ARHGAP10: variants seen among roughly 807,000 people sequenced by gnomAD.
ARHGAP10 encodes rho GTPase-activating protein 10.
ARHGAP10 carries 87 observed loss-of-function variants against 108.6 expected under a neutral mutation model. That is an observed-to-expected ratio of 0.80 (90% CI 0.67 to 0.96). The LOEUF (loss-of-function observed/expected upper bound fraction) is 0.96. Among genes scored for constraint, ARHGAP10 ranks in the 40% least tolerant of loss-of-function variants. The probability of loss-of-function intolerance (pLI) is 0.00; values close to 1 mark genes in which losing one functional copy is unlikely to be tolerated. For synonymous variants in ARHGAP10, 347 were observed against 341.1 expected (o/e 1.02, Z -0.19); for missense variants, 939 against 954.5 (o/e 0.98, Z 0.21).
chr4:147,820,591 T>C (rs1308362659), intron 1 of ARHGAP10, among the ~76,000 whole-genome samples: 3 of 135,352 alleles, frequency 2.2e-5, no homozygotes, highest in Non-Finnish European at 4.8e-5. Flanking sequence ...TTTTTTTTTT[T>C]TTTTTTTTTT....
chr4:147,961,859 C>A (rs529248484), intron 16 of ARHGAP10, among the ~76,000 whole-genome samples: 8 of 152,238 alleles, frequency 5.3e-5, no homozygotes, highest in African/African-American at 1.7e-4. Flanking sequence ...CTGATGACAT[C>A]GTACCTCCCT....
intron 1 of ARHGAP10, among the ~76,000 whole-genome samples, chr4:147,739,038 T>C (rs1360747168): frequency 6.7e-6 from 1 of 148,650 alleles, no homozygotes; most frequent in East Asian, 2.0e-4. Context: ...CAAAAAAAAA[T>C]TAGCCGGGTC....
chr4:147,927,873 G>A (rs553887080), intron 13 of ARHGAP10, among the ~76,000 whole-genome samples: 4 of 152,272 alleles, frequency 2.6e-5, no homozygotes, highest in East Asian at 1.9e-4. Flanking sequence ...TACTGGGATC[G>A]GGAGACCTCT....
intron 3 of ARHGAP10, among the ~76,000 whole-genome samples, chr4:147,838,044 T>C (rs1733247579): frequency 6.6e-6 from 1 of 152,178 alleles, no homozygotes; most frequent in African/African-American, 2.4e-5. Context: ...TAAAATCAAA[T>C]AATAGGCAAA....
At chr4:147,862,678 G>T (rs967372726) in intron 5 of ARHGAP10, 3 of 152,234 alleles carry the variant, frequency 2.0e-5, no homozygotes, top group Non-Finnish European at 4.4e-5. Flanking sequence ...TGGTGATAGA[G>T]GTTGACTGGT....
intron 1 of ARHGAP10, among the ~76,000 whole-genome samples, chr4:147,748,841 C>T (rs930269124): frequency 1.3e-5 from 2 of 151,928 alleles, no homozygotes; most frequent in Admixed American, 1.3e-4. Context: ...CACCTGTAGT[C>T]CTAGCTACTT....
At chr4:147,845,364 C>T (rs1031297883) in intron 3 of ARHGAP10, among the ~76,000 whole-genome samples, 2 of 152,206 alleles carry the variant, frequency 1.3e-5, no homozygotes, top group African/African-American at 4.8e-5. Context: ...ACAGTAATTT[C>T]CACGAAGGCA....
At chr4:147,970,430 G>C (rs889722086) in intron 18 of ARHGAP10, among the ~76,000 whole-genome samples, 1 of 152,072 alleles carries the variant, frequency 6.6e-6, no homozygotes, top group Non-Finnish European at 1.5e-5. Flanking sequence ...GATGGCGGTG[G>C]GGGGAGGGTG....
At chr4:147,928,357 C>T (rs912210453) in intron 13 of ARHGAP10, among the ~76,000 whole-genome samples, 8 of 152,204 alleles carry the variant, frequency 5.3e-5, no homozygotes, top group African/African-American at 1.4e-4. Context: ...GCCACCCTTA[C>T]GTGCCAAACT....
At chr4:147,784,685 A>AATATATTATAAAATATATATTAT (rs1730755256) in intron 1 of ARHGAP10, among the ~76,000 whole-genome samples, 1 of 83,024 alleles carries the variant, frequency 1.2e-5, no homozygotes, top group African/African-American at 4.7e-5. Context: ...TTATAAATAT[A>AATATATTATAAAATATATATTAT]AAATATATAT....
chr4:147,946,001 C>T (rs1166511422), intron 14 of ARHGAP10, among the ~76,000 whole-genome samples: 2 of 152,132 alleles, frequency 1.3e-5, no homozygotes, highest in Admixed American at 6.5e-5. Context: ...CCACCCTGTT[C>T]CCCCAGTGCG....
chr4:147,981,897 G>A (rs889156732), intron 18 of ARHGAP10, among the ~76,000 whole-genome samples: 3 of 152,002 alleles, frequency 2.0e-5, no homozygotes, highest in Middle Eastern at 3.4e-3. Flanking sequence ...GCTCTTTTTC[G>A]ATTCCATTTG....
intron 7 of ARHGAP10, 92 bp downstream of exon 7, chr4:147,866,908 A>G: frequency 2.7e-6 from 3 of 1,096,540 alleles, no homozygotes; most frequent in Non-Finnish European, 2.7e-6. Flanking sequence ...AATGAAGACA[A>G]TGCTGATCTG....
At chr4:148,022,493 G>A (rs1193768427) in intron 18 of ARHGAP10, among the ~76,000 whole-genome samples, 1 of 152,136 alleles carries the variant, frequency 6.6e-6, no homozygotes, top group East Asian at 1.9e-4. Context: ...TCTGAACTGG[G>A]GTCTCACAGC....
chr4:147,774,957 G>A (rs958180519), intron 1 of ARHGAP10, among the ~76,000 whole-genome samples: 5 of 150,968 alleles, frequency 3.3e-5, no homozygotes, highest in African/African-American at 1.2e-4. Flanking sequence ...CCAGGTTGGA[G>A]TGCAGTGGCA....
rs1344727151 is a variant in ARHGAP10 at position 148,056,920 on chromosome 4, G to T, written c.2028-6228G>T. ...TGAGGGCTTCATTTATTGACTGCTT[G>T]CTATGCTTCAGGGCTTTACGCCTAT... On this transcript the variant is annotated intron_variant, in intron 20 of 22. Coordinates refer to ENST00000336498, the MANE Select transcript of ARHGAP10 (RefSeq NM_024605.4). Among the ~76,000 whole-genome samples the T allele has an allele frequency of 2.0e-5, 3 of 152,158 alleles. No individual in the cohort carries two copies. In the East Asian group the frequency reaches 5.8e-4, roughly 29 times the overall value.
intron 19 of ARHGAP10, among the ~76,000 whole-genome samples, chr4:148,026,614 A>G (rs1202335702): frequency 6.6e-6 from 1 of 152,216 alleles, no homozygotes; most frequent in Non-Finnish European, 1.5e-5. Context: ...TTCTTTATTG[A>G]TGATTAATAT....
At chr4:147,990,083 A>T (rs559182779) in intron 18 of ARHGAP10, among the ~76,000 whole-genome samples, 1 of 152,318 alleles carries the variant, frequency 6.6e-6, no homozygotes, top group South Asian at 2.1e-4. Context: ...TTCTGCCTGA[A>T]TGAGGAGGAG....
intron 22 of ARHGAP10, 45 bp from the exon 23 acceptor site, chr4:148,071,948 T>A (rs779642655): frequency 1.3e-6 from 2 of 1,559,378 alleles, no homozygotes; most frequent in African/African-American, 2.7e-5. Context: ...AGGAGGCAAG[T>A]ACTTGGGGGC....
Sources: gnomAD v4.1 joint callset for allele counts (sites outside exome capture counted in the v4.1 genomes callset) on GRCh38, gnomAD v4.1.1 for gene constraint, MANE v1.5 for transcripts, NCBI Gene and HGNC (gene_info 2026-07-23, HGNC 2026-07-21) for gene names.